Variants in ARAP2 observed in about 807,000 individuals in gnomAD.
The protein encoded by ARAP2 is ArfGAP with RhoGAP domain, ankyrin repeat and PH domain 2, also known as arf-GAP with Rho-GAP domain, ANK repeat and PH domain-containing protein 2.
Under a neutral mutation model 194.5 loss-of-function variants are expected in ARAP2, and 148 were observed. The observed-to-expected ratio is 0.76, with a 90% CI of 0.67 to 0.87. ARAP2 has a LOEUF of 0.87. Ranked by LOEUF, ARAP2 falls within the 40% of genes least tolerant of loss-of-function variation. The pLI is 0.00. For missense variants in ARAP2, 2,128 were observed against 1,989.7 expected (o/e 1.07, Z -1.32); for synonymous variants, 695 against 683.5 (o/e 1.02, Z -0.26).
chr4:36,133,102 T>C, intron 20 of ARAP2, 124 bp downstream of exon 20: 1 of 935,206 alleles, frequency 1.1e-6, no homozygotes, highest in Non-Finnish European at 1.5e-6. Context: ...TCTGCCTTTA[T>C]TTTTCACTAG....
chr4:36,119,650 T>C lies in ARAP2; in HGVS notation c.3963A>G (p.Gln1321=). ...TAGAGATCTAACTATTACTACTCAC[T>C]TGGGTGTCTTTCCACTTGGTAATAA... ...NSFITKWKDT[Q]VSQAGDLLIE... is the part of the protein sequence containing the mutation. Residue 1321 remains glutamine, a splice_region_variant and synonymous_variant, in exon 24 of 33, where the codon CAA becomes CAG. Coordinates refer to ENST00000303965, the MANE Select transcript of ARAP2 (RefSeq NM_015230.4). 1 of 1,593,350 alleles carries C rather than the reference T, an allele frequency of 6.3e-7. No homozygotes were observed. Among genetic ancestry groups the C allele is most frequent in the Non-Finnish European group, 8.6e-7 (1 of 1,163,092 alleles).
intron 22 of ARAP2, among the ~76,000 whole-genome samples, chr4:36,123,047 T>A (rs1723035640): frequency 6.6e-6 from 1 of 151,780 alleles, no homozygotes; most frequent in African/African-American, 2.4e-5. Flanking sequence ...GCAAGTGCAA[T>A]CATCACACGT....
In ARAP2 at chr4:36,091,879, A is replaced by G. The variant is rs1713757756; in HGVS notation, c.4425+2T>C. On this transcript the variant is annotated splice_donor_variant, in intron 28 of 32. Transcript: ENST00000303965. LOFTEE classifies it high-confidence loss of function. ...AAATGTACGCATGTTCAAATACTATACCTTCACATCCTTGTAAAGAAAGAG... is the reference window on the plus strand; with the variant it reads ...AAATGTACGCATGTTCAAATACTATGCCTTCACATCCTTGTAAAGAAAGAG... 5.6e-6 allele frequency: 9 copies of G among 1,593,896 alleles called. No individual in the cohort carries two copies. The highest frequency in any genetic ancestry group is 7.7e-6 in the Non-Finnish European group (9 of 1,166,418).
chr4:36,241,825 T>A (rs554805263), intron 1 of ARAP2, among the ~76,000 whole-genome samples: 111 of 152,246 alleles, frequency 7.3e-4, no homozygotes, highest in Non-Finnish European at 1.2e-3. Context: ...GGCCCCATCA[T>A]CCTTCATGAG....
intron 3 of ARAP2, chr4:36,051,888 G>C (rs1203848828): frequency 6.6e-6 from 1 of 152,090 alleles, no homozygotes; most frequent in Non-Finnish European, 1.5e-5. Context: ...GTTTGATAAA[G>C]ACCAACAGAG....
chr4:36,078,361 A>G (rs1728720255), intron 31 of ARAP2, among the ~76,000 whole-genome samples: 2 of 152,192 alleles, frequency 1.3e-5, no homozygotes, highest in Non-Finnish European at 2.9e-5. Context: ...GCTGAAGTCT[A>G]GATGACTTCT....
At chr4:36,019,028 G>A (rs2109333750) in intron 6 of ARAP2, 1 of 149,344 alleles carries the variant, frequency 6.7e-6, no homozygotes. Flanking sequence ...GAAACCATTT[G>A]GCGATTTCTG....
In ARAP2 at chr4:36,119,704, T is replaced by A; in HGVS notation, c.3909A>T (p.Gln1303His). Residue 1303 changes from glutamine to histidine, a missense_variant, in exon 24 of 33, where the codon CAA becomes CAT. Transcript: ENST00000303965. ...TATTTTCTATGTCCATTTGTTTGAC[T>A]TGATCTTCTTTAACCTGTTTAAAAT... is the stretch of plus-strand genomic sequence containing the variant. ...YVEIFEVKED[Q>H]VKQMDIENSF... 1 of 1,602,068 alleles carries A rather than the reference T, an allele frequency of 6.2e-7. No individual in the cohort carries two copies. The highest frequency in any genetic ancestry group is 8.5e-7 in the Non-Finnish European group (1 of 1,170,820).
In ARAP2 at chr4:36,082,255, G is replaced by A; in HGVS notation, c.4540C>T (p.His1514Tyr). Reference protein sequence around the residue: ...WGLTAYSEKHHWHLCCDSSRT... With the variant: ...WGLTAYSEKHYWHLCCDSSRT... ...AGTTGTCAGCTGTTAACTTACCAGTGATGTTTCTCAGAATATGCGGTCAAT... is the reference window on the plus strand; with the variant it reads ...AGTTGTCAGCTGTTAACTTACCAGTAATGTTTCTCAGAATATGCGGTCAAT... Residue 1514 changes from histidine to tyrosine, a missense_variant, in exon 30 of 33, where the codon CAC becomes TAC. Coordinates refer to ENST00000303965, the MANE Select transcript of ARAP2 (RefSeq NM_015230.4). 2 of 1,610,870 alleles carry A rather than the reference G, an allele frequency of 1.2e-6. No individual in the cohort carries two copies. The highest frequency in any genetic ancestry group is 1.7e-6 in the Non-Finnish European group (2 of 1,178,640).
At chr4:36,049,923 T>A (rs975040369) in intron 3 of ARAP2, among the ~76,000 whole-genome samples, 2 of 152,192 alleles carry the variant, frequency 1.3e-5, no homozygotes, top group African/African-American at 4.8e-5. Flanking sequence ...ATTAAAATAA[T>A]CTTAATGGAG....
intron 5 of ARAP2, among the ~76,000 whole-genome samples, chr4:36,036,512 C>A (rs1719952034): frequency 6.6e-6 from 1 of 151,958 alleles, no homozygotes. Flanking sequence ...TGATGAGATA[C>A]TTGATGAATC....
chr4:36,167,072 A>G, intron 9 of ARAP2, 25 bp from the exon 10 acceptor site: 1 of 1,289,580 alleles, frequency 7.8e-7, no homozygotes, highest in Non-Finnish European at 1.1e-6. Context: ...AACATAAAAA[A>G]CTATAAAGAA....
chr4:36,179,262 A>C (rs1738668913), intron 8 of ARAP2, among the ~76,000 whole-genome samples: 1 of 152,226 alleles, frequency 6.6e-6, no homozygotes, highest in African/African-American at 2.4e-5. Flanking sequence ...ACAATGACTA[A>C]TGAGGAATTA....
intron 5 of ARAP2, among the ~76,000 whole-genome samples, chr4:36,030,085 A>G (rs1295790998): frequency 6.6e-6 from 1 of 152,062 alleles, no homozygotes; most frequent in Non-Finnish European, 1.5e-5. Context: ...CCTTTTGTAA[A>G]TTACTCAGAA....
intron 2 of ARAP2, among the ~76,000 whole-genome samples, chr4:36,218,474 CAA>C (rs916991924): frequency 1.3e-5 from 2 of 151,922 alleles, no homozygotes; most frequent in African/African-American, 2.4e-5. Flanking sequence ...GCATTTAAGC[CAA>C]AGACATCAAC....
rs746457591 is a variant in ARAP2 at position 36,080,272 on chromosome 4, ACAG to A, written c.4549_4551del (p.Leu1517del). 13 of 1,612,664 alleles carry A rather than the reference ACAG, an allele frequency of 8.1e-6. No homozygotes were observed. The highest frequency in any genetic ancestry group is 1.0e-5 in the Non-Finnish European group (12 of 1,179,006). ...GTCTGAGTTCGTGAACTATCACAAC[ACAG>A]GTGCCTGCAAAACGAGGTTTATAAA... On this transcript the variant is annotated inframe_deletion, in exon 31 of 33. Transcript: ENST00000303965.
chr4:36,132,085 T>G lies in ARAP2; in HGVS notation c.3427+1141A>C, dbSNP rs555633845. On this transcript the variant is annotated intron_variant, in intron 20 of 32. Transcript: ENST00000303965. ...CTAGAACAAGAGATTAAAATATGCC[T>G]AAGTTTAATTTCTGAAAAGTGTTTT... is the stretch of plus-strand genomic sequence containing the variant. Among the ~76,000 whole-genome samples the G allele has an allele frequency of 1.4e-4, 21 of 151,938 alleles. No individual in the cohort carries two copies. The South Asian group carries it at 3.9e-3, about 28-fold the overall frequency.
At position 36,123,663 on chromosome 4, in the gene ARAP2, T is replaced by C. The variant is rs73806478; in HGVS notation, c.3746+1199A>G. ...GTTTCCTAGTTAGTTTATCTGTCTC[T>C]ATGCTACATTTTCCCTAACAATACC... On this transcript the variant is annotated intron_variant, in intron 22 of 32. Coordinates refer to ENST00000303965, the MANE Select transcript of ARAP2 (RefSeq NM_015230.4). Among the ~76,000 whole-genome samples the C allele has an allele frequency of 5.3e-3, 806 of 151,934 alleles. 11 individuals carry two copies. The highest frequency in any genetic ancestry group is 0.018 in the African/African-American group (760 of 41,514).
chr4:36,241,200 A>G (rs1424483409), intron 1 of ARAP2, among the ~76,000 whole-genome samples: 2 of 152,218 alleles, frequency 1.3e-5, no homozygotes, highest in African/African-American at 4.8e-5. Flanking sequence ...CTCTGAATGT[A>G]AGTCATATTT....
Sources: allele counts gnomAD v4.1 joint callset (sites outside exome capture counted in the v4.1 genomes callset), GRCh38; gene constraint gnomAD v4.1.1; transcripts MANE v1.5; gene names NCBI Gene and HGNC (gene_info 2026-07-23, HGNC 2026-07-21).